EVA1C: variants seen among roughly 807,000 people sequenced by gnomAD.
EVA1C encodes protein eva-1 homolog C.
Under a neutral mutation model 45.4 loss-of-function variants are expected in EVA1C, and 25 were observed. That is an observed-to-expected ratio of 0.55 (90% CI 0.40 to 0.77). The LOEUF is 0.77. Ranked by LOEUF, EVA1C falls within the 30% of genes least tolerant of loss-of-function variation. EVA1C has a pLI of 0.00. For missense variants in EVA1C, 479 were observed against 554.8 expected (o/e 0.86, Z 1.37); for synonymous variants, 190 against 221.2 (o/e 0.86, Z 1.25).
At chr21:32,463,091 G>A (rs935735647) in intron 3 of EVA1C, among the ~76,000 whole-genome samples, 2 of 152,194 alleles carry the variant, frequency 1.3e-5, no homozygotes, top group African/African-American at 4.8e-5. Flanking sequence ...TCGAAAAGAA[G>A]CAGAATGACC....
chr21:32,501,061 C>T (rs1237086024), intron 5 of EVA1C, among the ~76,000 whole-genome samples: 1 of 152,168 alleles, frequency 6.6e-6, no homozygotes, highest in Non-Finnish European at 1.5e-5. Context: ...AATCTGTCCA[C>T]CTCGACCTCC....
chr21:32,480,445 C>T (rs375116807), intron 4 of EVA1C, among the ~76,000 whole-genome samples: 3 of 151,994 alleles, frequency 2.0e-5, no homozygotes, highest in Non-Finnish European at 4.4e-5. Context: ...TATGTGATTC[C>T]AGCCTGAGCA....
chr21:32,435,401 C>G (rs1361972709), intron 1 of EVA1C, among the ~76,000 whole-genome samples: 2 of 150,604 alleles, frequency 1.3e-5, no homozygotes, highest in African/African-American at 4.9e-5. Flanking sequence ...CCCTGCCCCA[C>G]AGTTCCTGCC....
At chr21:32,436,261 G>A (rs1601250182) in intron 1 of EVA1C, among the ~76,000 whole-genome samples, 7 of 152,136 alleles carry the variant, frequency 4.6e-5, no homozygotes, top group Admixed American at 3.3e-4. Flanking sequence ...ACGGGGTTTC[G>A]CCATGTTGGC....
intron 1 of EVA1C, among the ~76,000 whole-genome samples, chr21:32,420,444 G>A (rs1408508076): frequency 6.6e-6 from 1 of 152,256 alleles, no homozygotes; most frequent in Admixed American, 6.5e-5. Flanking sequence ...GAATACAGTG[G>A]TGCAATCACG....
intron 1 of EVA1C, among the ~76,000 whole-genome samples, chr21:32,439,449 C>T (rs779827485): frequency 2.6e-5 from 4 of 152,074 alleles, no homozygotes; most frequent in Non-Finnish European, 5.9e-5. Flanking sequence ...ACCGTGTGGA[C>T]GCCCGTATTT....
intron 4 of EVA1C, among the ~76,000 whole-genome samples, chr21:32,471,717 C>T (rs1032385745): frequency 2.0e-5 from 3 of 151,876 alleles, no homozygotes; most frequent in African/African-American, 7.3e-5. Flanking sequence ...CAAGCTCTGC[C>T]TCCCAGTTTC....
At chr21:32,440,803 C>T (rs1289007704) in intron 1 of EVA1C, among the ~76,000 whole-genome samples, 1 of 152,140 alleles carries the variant, frequency 6.6e-6, no homozygotes, top group Non-Finnish European at 1.5e-5. Flanking sequence ...GTCATTCATT[C>T]AAGAGCTGTT....
chr21:32,469,146 C>A (rs1244455786), intron 4 of EVA1C, among the ~76,000 whole-genome samples: 1 of 152,222 alleles, frequency 6.6e-6, no homozygotes, highest in Non-Finnish European at 1.5e-5. Flanking sequence ...AATGGCACAA[C>A]ACAAAGTCTA....
chr21:32,474,531 C>T lies in EVA1C; in HGVS notation c.634+6683C>T, dbSNP rs377489865. 2.0e-5 allele frequency among the ~76,000 whole-genome samples: 3 copies of T among 152,196 alleles called. No individual in the cohort carries two copies. The highest frequency in any genetic ancestry group is 4.4e-5 in the Non-Finnish European group (3 of 68,040). ...CCTCGTCCCTGCAGTCCCTCTCTGG[C>T]GACCCTTTTGTTGGACTTTCTCCAC... On this transcript the variant is annotated intron_variant, in intron 4 of 7. Coordinates refer to ENST00000300255, the MANE Select transcript of EVA1C (RefSeq NM_058187.5). The surrounding 1 kb of genome is among the most constrained non-coding windows in gnomAD (Gnocchi z 4.4).
chr21:32,414,154 T>C (rs1484392107), intron 1 of EVA1C, among the ~76,000 whole-genome samples: 1 of 152,210 alleles, frequency 6.6e-6, no homozygotes. Flanking sequence ...GAATATGTAA[T>C]ATCAAGGCAG....
intron 4 of EVA1C, among the ~76,000 whole-genome samples, chr21:32,489,644 T>C (rs2037088577): frequency 6.6e-6 from 1 of 152,224 alleles, no homozygotes; most frequent in Non-Finnish European, 1.5e-5. Flanking sequence ...AAAATGTCGT[T>C]GGAATTTTAT....
chr21:32,451,979 C>T (rs982680493), intron 1 of EVA1C, among the ~76,000 whole-genome samples: 8 of 152,220 alleles, frequency 5.3e-5, no homozygotes, highest in East Asian at 1.9e-4. Flanking sequence ...CCCTGCACCA[C>T]GCCCTTGGAG....
rs61448371 is a variant in EVA1C at position 32,487,719 on chromosome 21, C to CAA, written c.635-7294_635-7293dup. 6.8e-3 allele frequency among the ~76,000 whole-genome samples: 813 copies of CAA among 119,558 alleles called. 16 individuals are homozygous for CAA. The highest frequency in any genetic ancestry group is 0.04 in the Admixed American group (474 of 11,840). 78.4% of individuals were successfully genotyped at this position (119,558 alleles called of 152,430 possible). Reference sequence around the variant, plus strand: ...TGGGGGACAGAGTGAGACTCCATCTCAAAAAAAAAAAAAAAGAGAGAGTAG... The same window carrying CAA: ...TGGGGGACAGAGTGAGACTCCATCTCAAAAAAAAAAAAAAAAAGAGAGAGTAG... On this transcript the variant is annotated intron_variant, in intron 4 of 7. Coordinates refer to ENST00000300255, the MANE Select transcript of EVA1C (RefSeq NM_058187.5).
chr21:32,496,651 C>G (rs2037361231), intron 5 of EVA1C, among the ~76,000 whole-genome samples: 1 of 152,188 alleles, frequency 6.6e-6, no homozygotes, highest in African/African-American at 2.4e-5. Flanking sequence ...GGACGGTAGA[C>G]TGGACACGGG....
At chr21:32,507,551 T>C (rs111073715) in intron 7 of EVA1C, among the ~76,000 whole-genome samples, 1 of 105,232 alleles carries the variant, frequency 9.5e-6, no homozygotes, top group African/African-American at 5.5e-5. Context: ...CGTCTGTATG[T>C]ATGCGTGTTT....
chr21:32,457,686 T>TCTGGAC lies in EVA1C; in HGVS notation c.447_448insCTGGAC (p.Ser149_Lys150insLeuAsp). 11 of 1,614,168 alleles carry TCTGGAC rather than the reference T, an allele frequency of 6.8e-6. No individual in the cohort carries two copies. The highest frequency in any genetic ancestry group is 9.3e-6 in the Non-Finnish European group (11 of 1,180,022). On this transcript the variant is annotated inframe_insertion, in exon 3 of 8. Coordinates refer to ENST00000300255, the MANE Select transcript of EVA1C (RefSeq NM_058187.5). ...GACCTGACCTTTGTCCAGGAAGCAG[T>TCTGGAC]AAATACCTCCTGGTCTCCTTTAAAT...
At chr21:32,415,954 T>C (rs1196330121) in intron 1 of EVA1C, among the ~76,000 whole-genome samples, 2 of 152,240 alleles carry the variant, frequency 1.3e-5, no homozygotes, top group East Asian at 3.8e-4. Context: ...GGATTTGGCT[T>C]GAGACGTCTA....
chr21:32,430,339 T>C (rs2833821), intron 1 of EVA1C, among the ~76,000 whole-genome samples: 87,668 of 151,772 alleles, frequency 0.58, 28,425 homozygotes, highest in African/African-American at 0.87. Flanking sequence ...GTCACCCACA[T>C]AATGACAGGA....
Sources: allele counts gnomAD v4.1 joint callset (sites outside exome capture counted in the v4.1 genomes callset), GRCh38; gene constraint gnomAD v4.1.1; non-coding constraint Gnocchi (gnomAD v3.1); transcripts MANE v1.5; gene names NCBI Gene and HGNC (gene_info 2026-07-23, HGNC 2026-07-21).